POLR3K: variants seen among roughly 807,000 people sequenced by gnomAD.
POLR3K encodes DNA-directed RNA polymerase III subunit RPC10.
Under a neutral mutation model 13.5 loss-of-function variants are expected in POLR3K, and 11 were observed. The ratio of observed to expected loss-of-function variants is 0.81; its 90% CI spans 0.51 to 1.35. The LOEUF is 1.35. POLR3K is among the 40% of genes most tolerant of loss of function. The probability of loss-of-function intolerance (pLI) is 0.00; values close to 1 mark genes in which losing one functional copy is unlikely to be tolerated. For missense variants in POLR3K, 144 were observed against 145.3 expected (o/e 0.99, Z 0.05); for synonymous variants, 56 against 51.5 (o/e 1.09, Z -0.38).
intron 2 of POLR3K, among the ~76,000 whole-genome samples, chr16:51,269 C>T (rs140603557): frequency 2.6e-5 from 4 of 152,084 alleles, no homozygotes; most frequent in Non-Finnish European, 5.9e-5. Flanking sequence ...TCGCGGTCTA[C>T]GAATATGGAT....
chr16:50,273 TA>T (rs1037198009), intron 2 of POLR3K, among the ~76,000 whole-genome samples: 5 of 151,934 alleles, frequency 3.3e-5, no homozygotes, highest in Non-Finnish European at 7.4e-5. Flanking sequence ...TGTTCTTTTA[TA>T]GGGGGAAAAC....
intron 2 of POLR3K, among the ~76,000 whole-genome samples, chr16:49,221 C>A (rs1897309639): frequency 6.6e-6 from 1 of 151,782 alleles, no homozygotes; most frequent in Non-Finnish European, 1.5e-5. Flanking sequence ...AACAGATCAC[C>A]TGAGGTCGGG....
chr16:49,462 A>T (rs1056888090), intron 2 of POLR3K, among the ~76,000 whole-genome samples: 1 of 151,940 alleles, frequency 6.6e-6, no homozygotes, highest in Non-Finnish European at 1.5e-5. Context: ...AATGGCTTCA[A>T]ACACTCTATT....
chr16:52,600 C>T (rs1897346266), intron 1 of POLR3K, among the ~76,000 whole-genome samples: 1 of 150,414 alleles, frequency 6.6e-6, no homozygotes, highest in Admixed American at 6.6e-5. Flanking sequence ...CCCATCTCTA[C>T]TAAAAATACA....
At chr16:48,743 G>A (rs571834547) in intron 2 of POLR3K, among the ~76,000 whole-genome samples, 18 of 150,228 alleles carry the variant, frequency 1.2e-4, no homozygotes, top group Non-Finnish European at 2.4e-4. Context: ...CCCGGGAGGC[G>A]GAGCTTGCAG....
Position 47,541 on chromosome 16 carries a change from G to T in POLR3K, c.216C>A (p.Cys72Ter). ...VDSTAESCPK[C>*]EHPRAYFMQL... ...GCATGAAGTAAGCACGAGGATGTTC[G>T]CATTTGGGACACGACTCTGGCAATG... The change falls in exon 3 of 3, where the codon TGC (cysteine) becomes TGA (stop). Residue 72 changes from cysteine to a stop codon, truncating the protein, a stop_gained. Transcript: ENST00000293860. LOFTEE classifies it high-confidence loss of function. The T allele has an allele frequency of 1.2e-6, 2 of 1,612,720 alleles. No homozygotes were observed. The highest frequency in any genetic ancestry group is 1.7e-6 in the Non-Finnish European group (2 of 1,179,172).
chr16:48,714 G>A (rs891099477), intron 2 of POLR3K, among the ~76,000 whole-genome samples: 1 of 151,846 alleles, frequency 6.6e-6, no homozygotes, highest in Non-Finnish European at 1.5e-5. Context: ...GGGAGGCTGA[G>A]GCAAGAGAAT....
chr16:52,731 A>T (rs147138288), intron 1 of POLR3K, among the ~76,000 whole-genome samples: 4,197 of 140,676 alleles, frequency 0.03, 195 homozygotes, highest in African/African-American at 0.1. Flanking sequence ...GCGCCACTGC[A>T]CTCCAGCCTG....
intron 1 of POLR3K, among the ~76,000 whole-genome samples, chr16:52,799 TAAAA>T (rs1335971952): frequency 2.7e-5 from 2 of 74,998 alleles, no homozygotes; most frequent in South Asian, 4.0e-4. Context: ...AAAAAAACAA[TAAAA>T]AAAAATAAAG....
chr16:52,691 G>C (rs959176985), intron 1 of POLR3K, among the ~76,000 whole-genome samples: 2 of 147,102 alleles, frequency 1.4e-5, no homozygotes, highest in African/African-American at 5.0e-5. Context: ...GCGTGAACCC[G>C]GGAGGCAGAG....
chr16:47,585 C>G, intron 2 of POLR3K, 28 bp from the exon 3 acceptor site: 1 of 1,604,866 alleles, frequency 6.2e-7, no homozygotes, highest in Non-Finnish European at 8.5e-7. Context: ...GAAGTGACCA[C>G]ATTTAAAAAA....
Position 51,656 on chromosome 16 carries a change from C to G in POLR3K, c.112-11G>C. 1 of 1,608,620 alleles carries G rather than the reference C, an allele frequency of 6.2e-7. No individual in the cohort carries two copies. Among genetic ancestry groups the G allele is most frequent in the Non-Finnish European group, 8.5e-7 (1 of 1,175,074 alleles). ...CTTCCGATTTGTTACCTAACAAAAA[C>G]AACACTTCAGACTCCAAGTAACTGA... On this transcript the variant is annotated splice_polypyrimidine_tract_variant and intron_variant, in intron 1 of 2. Transcript: ENST00000293860.
At chr16:49,515 A>T (rs1044130112) in intron 2 of POLR3K, among the ~76,000 whole-genome samples, 1 of 150,924 alleles carries the variant, frequency 6.6e-6, no homozygotes, top group African/African-American at 2.4e-5. Flanking sequence ...AGACAGTCTC[A>T]CTCAGGCTGG....
chr16:48,065 T>A (rs919621108), intron 2 of POLR3K, among the ~76,000 whole-genome samples: 1 of 150,956 alleles, frequency 6.6e-6, no homozygotes, highest in African/African-American at 2.4e-5. Flanking sequence ...AATTTTTTTG[T>A]ATTTTTAGTA....
At position 53,481 on chromosome 16, in the gene POLR3K, G is replaced by A. The variant is rs747460526; in HGVS notation, c.106C>T (p.Arg36Cys). ...CGCCGGCCTTCGGGTCCCACCTTGC[G>A]GGTGATGTTGTGCACGTAGGGGCAC... is the stretch of plus-strand genomic sequence containing the variant. ...NTCPYVHNITRKVTNRKYPKL... is the reference protein window; with the variant it reads ...NTCPYVHNITCKVTNRKYPKL... Residue 36 changes from arginine to cysteine, a missense_variant, in exon 1 of 3, where the codon CGC (arginine) becomes TGC (cysteine). Arg to Cys is a radical substitution (Grantham distance 180). Transcript: ENST00000293860. 3 of 1,610,152 alleles carry A rather than the reference G, an allele frequency of 1.9e-6. No individual in the cohort carries two copies. Among genetic ancestry groups the A allele is most frequent in the African/African-American group, 2.7e-5 (2 of 74,772 alleles).
At position 47,892 on chromosome 16, in the gene POLR3K, C is replaced by CTTT. The variant is rs747985712; in HGVS notation, c.200-338_200-336dup. Among the ~76,000 whole-genome samples, 135 of 99,748 alleles carry CTTT rather than the reference C, an allele frequency of 1.4e-3. 7 individuals are homozygous for CTTT. Among genetic ancestry groups the CTTT allele is most frequent in the South Asian group, 8.5e-3 (25 of 2,934 alleles). 65.4% of individuals were successfully genotyped at this position (99,748 alleles called of 152,430 possible). A position where few individuals can be genotyped will look rare whatever the true frequency, so the allele number is the denominator to read the frequency against. ...AAAAAAGTAGGTATTACTATAATAT[C>CTTT]TTTTTTTTTTTTTTTTGAGATGGAA... On this transcript the variant is annotated intron_variant, in intron 2 of 2. Transcript: ENST00000293860.
intron 2 of POLR3K, among the ~76,000 whole-genome samples, chr16:50,857 G>A (rs777518059): frequency 2.0e-5 from 3 of 152,180 alleles, no homozygotes; most frequent in Non-Finnish European, 4.4e-5. Context: ...ACAGTTCTGC[G>A]TGGCTGGGGA....
intron 2 of POLR3K, among the ~76,000 whole-genome samples, chr16:49,640 G>GT (rs113159157): frequency 0.026 from 3,264 of 124,944 alleles, 81 homozygotes; most frequent in African/African-American, 0.06. Flanking sequence ...TGGCTAATTT[G>GT]TTTTTTTTTT....
In POLR3K at chr16:48,051, G is replaced by A. The variant is rs866064856; in HGVS notation, c.200-494C>T. Among the ~76,000 whole-genome samples the A allele has an allele frequency of 2.5e-4, 38 of 150,286 alleles. 1 individual carries two copies. Among genetic ancestry groups the A allele is most frequent in the African/African-American group, 6.1e-4 (25 of 40,942 alleles). On this transcript the variant is annotated intron_variant, in intron 2 of 2. Transcript: ENST00000293860. ...ATTACAGTTGCCCGCCACCACACCCGGCTAATTTTTTTGTATTTTTAGTAG... is the reference window on the plus strand; with the variant it reads ...ATTACAGTTGCCCGCCACCACACCCAGCTAATTTTTTTGTATTTTTAGTAG...
Sources: gnomAD v4.1 joint callset for allele counts (sites outside exome capture counted in the v4.1 genomes callset) on GRCh38, gnomAD v4.1.1 for gene constraint, MANE v1.5 for transcripts, NCBI Gene and HGNC (gene_info 2026-07-23, HGNC 2026-07-21) for gene names.